NIBAN2: variants seen among roughly 807,000 people sequenced by gnomAD.
NIBAN2 encodes the protein niban apoptosis regulator 2.
NIBAN2 carries 36 observed loss-of-function variants against 81.8 expected under a neutral mutation model. That is an observed-to-expected ratio of 0.44 (90% CI 0.34 to 0.58). The LOEUF (loss-of-function observed/expected upper bound fraction) is 0.58, where lower values mean the gene tolerates loss of function less well. Among genes scored for constraint, NIBAN2 ranks in the 20% least tolerant of loss-of-function variants. NIBAN2 has a pLI of 0.02. For missense variants in NIBAN2, 897 were observed against 1,014.1 expected, an observed-to-expected ratio of 0.88 and a Z score of 1.57; for synonymous variants, 445 against 441.6, an observed-to-expected ratio of 1.01 and a Z score of -0.10.
chr9:127,571,112 G>C (rs1188540998), upstream of NIBAN2, among the ~76,000 whole-genome samples: 1 of 152,220 alleles, frequency 6.6e-6, no homozygotes, highest in African/African-American at 2.4e-5. Flanking sequence ...GGCTGGGCTG[G>C]AGGCCTAGGC....
At position 127,531,773 on chromosome 9, in the gene NIBAN2, T is replaced by A; in HGVS notation, c.61A>T (p.Thr21Ser). Residue 21 changes from threonine (T) to serine (S), a missense_variant, in exon 2 of 14, where the codon ACC becomes TCC. By Grantham distance (58) the Thr-to-Ser change is moderately conservative (BLOSUM62 1). Coordinates refer to ENST00000373312, the MANE Select transcript of NIBAN2 (RefSeq NM_022833.4). ...AGGAACTCCGTCAGGATCTTCCCGG[T>A]TTTTTCTGGAAGAGAAGGACAAGCA... The part of the protein sequence containing the change: ...DARRQHIAEK[T>S]GKILTEFLQF... The A allele has an allele frequency of 6.2e-7, 1 of 1,613,972 alleles. No individual in the cohort carries two copies. Among genetic ancestry groups the A allele is most frequent in the East Asian group, 2.2e-5 (1 of 44,872 alleles).
chr9:127,508,242 CT>C lies in NIBAN2; in HGVS notation c.1435-43del. On this transcript the variant is annotated intron_variant, in intron 11 of 13. Coordinates refer to ENST00000373312, the MANE Select transcript of NIBAN2 (RefSeq NM_022833.4). The surrounding 1 kb of genome is among the most constrained non-coding windows in gnomAD (Gnocchi z 6.4). ...GGTCGGGGGTCTGCAGGTCAGTGGG[CT>C]CCATTGGCCCTGAGGGTAGGACGAG... is the stretch of plus-strand genomic sequence containing the variant. 1.3e-6 allele frequency: 2 copies of C among 1,517,854 alleles called. No homozygotes were observed. Among genetic ancestry groups the C allele is most frequent in the Non-Finnish European group, 1.8e-6 (2 of 1,096,436 alleles). The allele number at this position is 1,517,854 out of a possible 1,614,324, so 94.0% of individuals were successfully genotyped here.
chr9:127,576,352 G>C (rs997491742), intron 1 of NIBAN2, among the ~76,000 whole-genome samples: 1 of 152,018 alleles, frequency 6.6e-6, no homozygotes, highest in Non-Finnish European at 1.5e-5. Context: ...TTCCAGGAAG[G>C]GGGTGCCTTA....
chr9:127,520,163 C>G (rs1288520878), intron 5 of NIBAN2, among the ~76,000 whole-genome samples: 2 of 152,060 alleles, frequency 1.3e-5, no homozygotes, highest in African/African-American at 4.8e-5. Flanking sequence ...TCCACACCCC[C>G]CAAATTCATA....
At chr9:127,575,008 G>A (rs557558771) in intron 1 of NIBAN2, among the ~76,000 whole-genome samples, 43 of 152,324 alleles carry the variant, frequency 2.8e-4, no homozygotes, top group African/African-American at 1.0e-3. Context: ...CTCACTGGGA[G>A]CCAGAGGAAT....
At chr9:127,520,206 G>A (rs1414158631) in intron 5 of NIBAN2, among the ~76,000 whole-genome samples, 6 of 145,650 alleles carry the variant, frequency 4.1e-5, no homozygotes, top group South Asian at 2.2e-4. Flanking sequence ...ACCCCAGAAC[G>A]TGATTATATT....
chr9:127,519,174 CAAAAAAAAAAAAAAA>C (rs398046914), intron 5 of NIBAN2, among the ~76,000 whole-genome samples: 11 of 39,288 alleles, frequency 2.8e-4, no homozygotes, highest in Non-Finnish European at 4.2e-4. Context: ...GACTCTGTCT[CAAAAAAAAAAAAAAA>C]AAAAAAAAAA....
At chr9:127,511,559 A>G (rs761628200) in intron 8 of NIBAN2, among the ~76,000 whole-genome samples, 75 of 152,210 alleles carry the variant, frequency 4.9e-4, no homozygotes, top group Non-Finnish European at 8.2e-4. Flanking sequence ...ATTTCAGAGA[A>G]ATAGTGGATA....
In NIBAN2 at chr9:127,517,350, G is replaced by T. The variant is rs958577130; in HGVS notation, c.706-134C>A. The stretch of plus-strand genomic sequence containing the variant: ...ACTGGCCCATTGCTTCACCCTCCCT[G>T]CTGCCCTCTCTCCTGAGCTCCATTC... On this transcript the variant is annotated intron_variant, in intron 6 of 13. Coordinates refer to ENST00000373312, the MANE Select transcript of NIBAN2 (RefSeq NM_022833.4). The surrounding 1 kb of genome is among the most constrained non-coding windows in gnomAD (Gnocchi z 4.0). The T allele has an allele frequency of 8.6e-6, 6 of 698,272 alleles. No individual in the cohort carries two copies. Among genetic ancestry groups the T allele is most frequent in the Admixed American group, 2.6e-5 (1 of 38,716 alleles). 43.3% of individuals were successfully genotyped at this position (698,272 alleles called of 1,614,324 possible).
intron 8 of NIBAN2, among the ~76,000 whole-genome samples, chr9:127,512,360 A>G (rs1003986024): frequency 6.8e-5 from 10 of 146,580 alleles, no homozygotes; most frequent in African/African-American, 2.5e-4. Context: ...ATCTCGGCTC[A>G]CTGCAGCCTC....
At chr9:127,566,390 C>T (rs558093360) in intron 1 of NIBAN2, among the ~76,000 whole-genome samples, 76 of 152,264 alleles carry the variant, frequency 5.0e-4, no homozygotes, top group African/African-American at 1.8e-3. Context: ...CACACTGCCT[C>T]GTGTAAGGAG....
chr9:127,556,357 C>A (rs1299656964), intron 1 of NIBAN2, among the ~76,000 whole-genome samples: 3 of 151,676 alleles, frequency 2.0e-5, no homozygotes, highest in South Asian at 4.2e-4. Flanking sequence ...CTGTAACCAA[C>A]CCCCACCAAC....
In NIBAN2 at chr9:127,507,055, G is replaced by C; in HGVS notation, c.2031C>G (p.Pro677=). The change falls in exon 14 of 14, where the codon CCC becomes CCG. Residue 677 remains proline, a synonymous_variant. Coordinates refer to ENST00000373312, the MANE Select transcript of NIBAN2 (RefSeq NM_022833.4). The surrounding 1 kb of genome is among the most constrained non-coding windows in gnomAD (Gnocchi z 6.8). ...PPAGPLLNGA[P]AGESPQPKAA... ...CCTTAGGCTGGGGACTCTCCCCAGC[G>C]GGGGCCCCGTTGAGCAGGGGGCCGG... 6.3e-7 allele frequency: 1 copy of C among 1,578,176 alleles called. No individual in the cohort carries two copies. Among genetic ancestry groups the C allele is most frequent in the Non-Finnish European group, 8.6e-7 (1 of 1,161,562 alleles).
rs147775231 is a variant in NIBAN2, at chr9:127,507,427, C to T, written c.1659G>A (p.Val553=). The T allele has an allele frequency of 1.9e-4, 286 of 1,508,008 alleles. 1 individual carries two copies. In the African/African-American group the frequency reaches 3.2e-3, roughly 17 times the overall value. The allele number at this position is 1,508,008 out of a possible 1,614,324, so 93.4% of individuals were successfully genotyped here. The part of the protein sequence containing the change: ...QTVMKDILQA[V]KEAAVQRKHN... ...GCTTCCTCTGCACCGCGGCCTCCTT[C>T]ACAGCTACAGGGCCACAGGGGAAGG... The change falls in exon 14 of 14, where the codon GTG becomes GTA. Residue 553 remains valine (V), a synonymous_variant. Transcript: ENST00000373312. This position sits in a 1 kb window ranked among gnomAD's most constrained non-coding sequence, Gnocchi z 6.8.
rs1267719659 is a variant in NIBAN2, at chr9:127,510,019, GC to G, written c.1161+126del. The G allele has an allele frequency of 4.7e-6, 4 of 846,070 alleles. No individual in the cohort carries two copies. The African/African-American group carries it at 5.1e-5, about 11-fold the overall frequency. The allele number at this position is 846,070 out of a possible 1,614,324, so 52.4% of individuals were successfully genotyped here. ...CAGCCTCTGCCCCTAGTCCCCAGCA[GC>G]CCCTCCCCGTCTACAGGGACGGCCT... On this transcript the variant is annotated intron_variant, in intron 9 of 13. Coordinates refer to ENST00000373312, the MANE Select transcript of NIBAN2 (RefSeq NM_022833.4).
intron 1 of NIBAN2, among the ~76,000 whole-genome samples, chr9:127,560,307 C>T (rs1044652351): frequency 2.6e-5 from 4 of 152,144 alleles, no homozygotes; most frequent in Non-Finnish European, 5.9e-5. Context: ...GGCCTGGCCA[C>T]GCCACCCACC....
chr9:127,512,052 G>C (rs2132157266), intron 8 of NIBAN2, among the ~76,000 whole-genome samples: 1 of 152,300 alleles, frequency 6.6e-6, no homozygotes, highest in South Asian at 2.1e-4. Context: ...GAAAAGTCAA[G>C]CTGGGAATTG....
At chr9:127,533,830 A>G (rs185919308) in intron 1 of NIBAN2, among the ~76,000 whole-genome samples, 1 of 152,334 alleles carries the variant, frequency 6.6e-6, no homozygotes, top group Non-Finnish European at 1.5e-5. Flanking sequence ...TATAATCATG[A>G]TTCCTTTCAT....
chr9:127,574,106 C>T (rs1441816828), intron 1 of NIBAN2, among the ~76,000 whole-genome samples: 10 of 152,188 alleles, frequency 6.6e-5, no homozygotes, highest in African/African-American at 2.4e-4. Flanking sequence ...TTTTCTAAGA[C>T]TCTGGACGCT....
Sources: allele counts gnomAD v4.1 joint callset (sites outside exome capture counted in the v4.1 genomes callset), GRCh38; gene constraint gnomAD v4.1.1; non-coding constraint Gnocchi (gnomAD v3.1); transcripts MANE v1.5; gene names NCBI Gene and HGNC (gene_info 2026-07-23, HGNC 2026-07-21).